ZYG11B: variants seen among roughly 807,000 people sequenced by gnomAD.
ZYG11B encodes zyg-11 family member B, cell cycle regulator, also known as protein zyg-11 homolog B.
A neutral mutation model predicts 82.4 loss-of-function variants in ZYG11B; 36 were observed. That is an observed-to-expected ratio of 0.44 (90% CI 0.33 to 0.58). The LOEUF (loss-of-function observed/expected upper bound fraction) is 0.58. Among genes scored for constraint, ZYG11B ranks in the 20% least tolerant of loss-of-function variants. ZYG11B has a pLI of 0.02. For synonymous variants in ZYG11B, 303 were observed against 312.8 expected (o/e 0.97, Z 0.33); for missense variants, 552 against 895.6 (o/e 0.62, Z 4.90).
rs865904338 is a variant in ZYG11B at position 52,817,795 on chromosome 1, A to G, written c.2044+1166A>G. On this transcript the variant is annotated intron_variant, in intron 13 of 13. Coordinates refer to ENST00000294353, the MANE Select transcript of ZYG11B (RefSeq NM_024646.3). Reference sequence around the variant, plus strand: ...TATATGTGTATATATATATATATATATATATATATATATATATATATTTTT... The same window carrying G: ...TATATGTGTATATATATATATATATGTATATATATATATATATATATTTTT... Among the ~76,000 whole-genome samples the G allele has an allele frequency of 1.8e-3, 88 of 49,212 alleles. 1 individual carries two copies. The highest frequency in any genetic ancestry group is 4.4e-3 in the South Asian group (5 of 1,128). The allele number at this position is 49,212 out of a possible 152,430, so 32.3% of individuals were successfully genotyped here.
In ZYG11B at chr1:52,818,527, G is replaced by A. The variant is rs566432887; in HGVS notation, c.2044+1898G>A. Reference sequence around the variant, plus strand: ...AGGGAAAATAGTCAAATGTAGACTTGTAGGCCATGCATAGGGATTTTTGTG... The same window carrying A: ...AGGGAAAATAGTCAAATGTAGACTTATAGGCCATGCATAGGGATTTTTGTG... On this transcript the variant is annotated intron_variant, in intron 13 of 13. Transcript: ENST00000294353. Among the ~76,000 whole-genome samples, 3 of 152,080 alleles carry A rather than the reference G, an allele frequency of 2.0e-5. No individual in the cohort carries two copies. In the East Asian group the frequency reaches 5.8e-4, roughly 30 times the overall value.
At chr1:52,766,875 G>C (rs1025956285) in intron 2 of ZYG11B, among the ~76,000 whole-genome samples, 2 of 152,084 alleles carry the variant, frequency 1.3e-5, no homozygotes, top group African/African-American at 4.8e-5. Flanking sequence ...GGGCATGGCA[G>C]CGTGTGCCTG....
At chr1:52,814,003 C>T in intron 12 of ZYG11B, 91 bp downstream of exon 12, 1 of 1,192,156 alleles carries the variant, frequency 8.4e-7, no homozygotes, top group Non-Finnish European at 1.2e-6. Flanking sequence ...ATTTTTCCCT[C>T]AGGCACCTCA....
At chr1:52,734,297 A>T (rs915367682) in intron 1 of ZYG11B, among the ~76,000 whole-genome samples, 1 of 152,086 alleles carries the variant, frequency 6.6e-6, no homozygotes, top group Non-Finnish European at 1.5e-5. Flanking sequence ...GGCAGACATC[A>T]ATATTGAATG....
At chr1:52,739,104 C>CA (rs1266742759) in intron 1 of ZYG11B, among the ~76,000 whole-genome samples, 106 of 150,208 alleles carry the variant, frequency 7.1e-4, no homozygotes, top group Non-Finnish European at 1.3e-3. Flanking sequence ...TCTCCTGCCT[C>CA]AGCCCCCGAG....
chr1:52,780,503 TAAAAA>T (rs887178745), intron 4 of ZYG11B, among the ~76,000 whole-genome samples: 1 of 151,366 alleles, frequency 6.6e-6, no homozygotes, highest in Non-Finnish European at 1.5e-5. Flanking sequence ...ATTAAAAAAA[TAAAAA>T]AAAGAGAGAA....
chr1:52,773,125 G>A (rs1211368504), intron 3 of ZYG11B, among the ~76,000 whole-genome samples: 1 of 151,998 alleles, frequency 6.6e-6, no homozygotes, highest in Non-Finnish European at 1.5e-5. Context: ...CATGCCTAAT[G>A]GTTTAAATTT....
chr1:52,742,280 C>T (rs1026899535), intron 1 of ZYG11B, among the ~76,000 whole-genome samples: 4 of 151,598 alleles, frequency 2.6e-5, no homozygotes, highest in Admixed American at 1.3e-4. Context: ...AGTAAGACCC[C>T]GTCTCTACAC....
intron 1 of ZYG11B, among the ~76,000 whole-genome samples, chr1:52,751,558 G>A (rs1375341002): frequency 2.6e-5 from 4 of 151,984 alleles, no homozygotes; most frequent in South Asian, 2.1e-4. Flanking sequence ...GGAACCTGAC[G>A]TGAGGCAGAG....
chr1:52,745,688 C>G (rs544218204), intron 1 of ZYG11B, among the ~76,000 whole-genome samples: 15 of 149,818 alleles, frequency 1.0e-4, no homozygotes, highest in African/African-American at 3.7e-4. Context: ...CTCAGCCTCC[C>G]GAGCAGCTGA....
intron 10 of ZYG11B, among the ~76,000 whole-genome samples, chr1:52,811,164 CAA>C (rs1461896951): frequency 6.6e-6 from 1 of 151,930 alleles, no homozygotes; most frequent in Non-Finnish European, 1.5e-5. Flanking sequence ...GTTTACCTAA[CAA>C]AGTTTTTTAT....
intron 1 of ZYG11B, among the ~76,000 whole-genome samples, chr1:52,732,775 G>T (rs1321056509): frequency 6.6e-6 from 1 of 150,380 alleles, no homozygotes; most frequent in Non-Finnish European, 1.5e-5. Context: ...AAAAAAAAAG[G>T]CCACCCTGGC....
intron 5 of ZYG11B, among the ~76,000 whole-genome samples, chr1:52,786,259 T>G (rs1486079775): frequency 1.3e-5 from 2 of 151,008 alleles, no homozygotes; most frequent in East Asian, 3.9e-4. Flanking sequence ...GGAAATGGGG[T>G]GGGGGAAATG....
chr1:52,823,907 G>C lies in ZYG11B; in HGVS notation c.*2278G>C, dbSNP rs971725591. The stretch of plus-strand genomic sequence containing the variant: ...GCATTCTGGGAGGCCGAGGCGGGCA[G>C]ATCACTTGAGATCAGGAGTTCGAGA... On this transcript the variant is annotated 3_prime_UTR_variant, in exon 14 of 14. Transcript: ENST00000294353. 1 of 152,188 alleles carries C rather than the reference G, an allele frequency of 6.6e-6. No individual in the cohort carries two copies. The highest frequency in any genetic ancestry group is 1.5e-5 in the Non-Finnish European group (1 of 68,038). The allele number at this position is 152,188 out of a possible 1,614,324, so 9.4% of individuals were successfully genotyped here. A position where few individuals can be genotyped will look rare whatever the true frequency, so the allele number is the denominator to read the frequency against.
In ZYG11B at chr1:52,813,922, A is replaced by G; in HGVS notation, c.1946+10A>G. 6.2e-7 allele frequency: 1 copy of G among 1,613,584 alleles called. No individual in the cohort carries two copies. The highest frequency in any genetic ancestry group is 8.5e-7 in the Non-Finnish European group (1 of 1,179,782). On this transcript the variant is annotated intron_variant, in intron 12 of 13. Transcript: ENST00000294353. ...AGATGGTAGCATACAGGTAATTAGT[A>G]TCATAATTAACAGTAAACCAGCAAC...
At chr1:52,797,148 TTATATATTTATATATTATATATTATA>T (rs1558137551) in intron 8 of ZYG11B, among the ~76,000 whole-genome samples, 71 of 77,414 alleles carry the variant, frequency 9.2e-4, no homozygotes, top group African/African-American at 4.4e-3. Context: ...ATATTATATA[TTATATATTTATATATTATATATTATA>T]TATATTTATA....
At chr1:52,734,659 A>C (rs1644363379) in intron 1 of ZYG11B, among the ~76,000 whole-genome samples, 1 of 151,922 alleles carries the variant, frequency 6.6e-6, no homozygotes. Flanking sequence ...TCCAAAAAAA[A>C]AAAAAGTGAT....
At chr1:52,776,247 C>CAATA (rs1644808810) in intron 3 of ZYG11B, among the ~76,000 whole-genome samples, 2 of 24,898 alleles carry the variant, frequency 8.0e-5, no homozygotes, top group Non-Finnish European at 2.6e-4. Context: ...TATATATATG[C>CAATA]AATAAAGTTG....
intron 6 of ZYG11B, 50 bp downstream of exon 6, chr1:52,790,117 A>G: frequency 5.2e-6 from 7 of 1,357,452 alleles, no homozygotes; most frequent in Admixed American, 1.9e-5. Flanking sequence ...AATGTTAGAA[A>G]TCTGTCTTGG....
Sources: allele counts gnomAD v4.1 joint callset (sites outside exome capture counted in the v4.1 genomes callset), GRCh38; gene constraint gnomAD v4.1.1; transcripts MANE v1.5; gene names NCBI Gene and HGNC (gene_info 2026-07-23, HGNC 2026-07-21).